The following ABCD3 variants were observed in gnomAD, a reference collection of about 807,000 sequenced individuals.
ABCD3 encodes ATP-binding cassette sub-family D member 3.
ABCD3 carries 41 observed loss-of-function variants against 105.5 expected under a neutral mutation model. That is an observed-to-expected ratio of 0.39 (90% CI 0.30 to 0.50). ABCD3 has a LOEUF of 0.50. Among genes scored for constraint, ABCD3 ranks in the 20% least tolerant of loss-of-function variants. The pLI is 0.84. For synonymous variants in ABCD3, 258 were observed against 269.0 expected (o/e 0.96, Z 0.40); for missense variants, 622 against 806.3 (o/e 0.77, Z 2.77).
the ABCD3 span, among the ~76,000 whole-genome samples, chr1:94,395,240 C>A: frequency 1.3e-5 from 2 of 152,280 alleles, no homozygotes; most frequent in South Asian, 4.1e-4. Flanking sequence ...ATTGCTTTAT[C>A]AGTCAGGAGC....
At chr1:94,487,494 T>G in intron 10 of ABCD3, 48 bp from the exon 11 acceptor site, 1 of 1,553,260 alleles carries the variant, frequency 6.4e-7, no homozygotes, top group Non-Finnish European at 8.9e-7. Flanking sequence ...GTAGATTCAG[T>G]TTTTTATACA....
Position 94,517,117 on chromosome 1 carries a change from G to A in ABCD3, c.1968G>A (p.Glu656=). 6 of 1,609,362 alleles carry A rather than the reference G, an allele frequency of 3.7e-6. No individual in the cohort carries two copies. Among genetic ancestry groups the A allele is most frequent in the Non-Finnish European group, 4.3e-6 (5 of 1,176,350 alleles). ...EFKQITEDTV[E]FGS ...AACAGATAACAGAAGATACAGTTGA[G>A]TTTGGCTCTTAGAGAAATCTGGAGA... The change falls in exon 23 of 23, where the codon GAG becomes GAA. Residue 656 remains glutamate (E), a synonymous_variant. Transcript: ENST00000370214.
At chr1:94,435,874 G>A (rs1189662574) in intron 1 of ABCD3, among the ~76,000 whole-genome samples, 2 of 152,154 alleles carry the variant, frequency 1.3e-5, no homozygotes, top group East Asian at 3.9e-4. Context: ...TTAATTATTT[G>A]TGCTTCAGTT....
intron 21 of ABCD3, among the ~76,000 whole-genome samples, chr1:94,508,923 A>G (rs1483402481): frequency 2.0e-5 from 3 of 152,200 alleles, no homozygotes; most frequent in Non-Finnish European, 4.4e-5. Context: ...CAATCATGTC[A>G]TCTGCAAACA....
At chr1:94,496,502 C>T (rs1649805335) in intron 16 of ABCD3, among the ~76,000 whole-genome samples, 1 of 151,330 alleles carries the variant, frequency 6.6e-6, no homozygotes, top group South Asian at 2.1e-4. Context: ...TCCATTCATC[C>T]TCTTGGGTCG....
At chr1:94,439,604 C>T (rs1196161563) in intron 1 of ABCD3, among the ~76,000 whole-genome samples, 1 of 152,106 alleles carries the variant, frequency 6.6e-6, no homozygotes, top group East Asian at 1.9e-4. Flanking sequence ...GCACTCCAGC[C>T]TGGGCAACAG....
the ABCD3 span, among the ~76,000 whole-genome samples, chr1:94,386,928 T>G: frequency 6.6e-6 from 1 of 152,210 alleles, no homozygotes; most frequent in Non-Finnish European, 1.5e-5. Flanking sequence ...ATTTCTTTTA[T>G]TCTGTTTAAT....
chr1:94,388,125 C>T, the ABCD3 span, among the ~76,000 whole-genome samples: 1 of 151,902 alleles, frequency 6.6e-6, no homozygotes, highest in East Asian at 1.9e-4. Context: ...CTTATAGTTA[C>T]CAAGTACAAG....
At chr1:94,475,767 T>G (rs1356899306) in intron 7 of ABCD3, 30 bp downstream of exon 7, 1 of 1,566,478 alleles carries the variant, frequency 6.4e-7, no homozygotes, top group East Asian at 2.3e-5. Context: ...AAAAGATTAT[T>G]TGTTTAATTT....
chr1:94,514,100 C>T (rs80236965), intron 21 of ABCD3: 13 of 151,956 alleles, frequency 8.6e-5, no homozygotes, highest in African/African-American at 3.1e-4. Context: ...AATTAAGAAA[C>T]CATGGTGGAA....
In ABCD3 at chr1:94,517,970, G is replaced by C. The variant is rs1651005337; in HGVS notation, c.*841G>C. The stretch of plus-strand genomic sequence containing the variant: ...TAGAAGCCCATTCATTAGAAGTGTG[G>C]TGGTTATTTGGTATTAAACTCCAAA... On this transcript the variant is annotated 3_prime_UTR_variant, in exon 23 of 23. Coordinates refer to ENST00000370214, the MANE Select transcript of ABCD3 (RefSeq NM_002858.4). The C allele has an allele frequency of 6.6e-6, 1 of 151,814 alleles. No homozygotes were observed. The highest frequency in any genetic ancestry group is 1.5e-5 in the Non-Finnish European group (1 of 67,824). The allele number at this position is 151,814 out of a possible 1,614,324, so 9.4% of individuals were successfully genotyped here. A position where few individuals can be genotyped will look rare whatever the true frequency, so the allele number is the denominator to read the frequency against.
chr1:94,491,386 T>C, intron 16 of ABCD3, 139 bp downstream of exon 16: 2 of 695,744 alleles, frequency 2.9e-6, no homozygotes, highest in South Asian at 3.8e-5. Context: ...AGTAAGTCTT[T>C]GAAACGCTTA....
At chr1:94,498,917 T>G in intron 18 of ABCD3, 28 bp from the exon 19 acceptor site, 3 of 1,611,154 alleles carry the variant, frequency 1.9e-6, no homozygotes, top group Non-Finnish European at 2.5e-6. Flanking sequence ...ATGTTGCTTC[T>G]AATTGACTTT....
At chr1:94,490,698 A>G (rs1179092991) in intron 15 of ABCD3, among the ~76,000 whole-genome samples, 2 of 152,050 alleles carry the variant, frequency 1.3e-5, no homozygotes, top group Non-Finnish European at 2.9e-5. Flanking sequence ...GTTTCCATAT[A>G]TGGACTATTG....
At chr1:94,503,046 T>C (rs369000982) in intron 20 of ABCD3, among the ~76,000 whole-genome samples, 37 of 152,254 alleles carry the variant, frequency 2.4e-4, no homozygotes, top group African/African-American at 8.9e-4. Context: ...ATGAGATTTT[T>C]TTGTGTGTGT....
chr1:94,516,517 C>T (rs1650929102), intron 22 of ABCD3, among the ~76,000 whole-genome samples: 1 of 151,874 alleles, frequency 6.6e-6, no homozygotes, highest in African/African-American at 2.4e-5. Flanking sequence ...TTCACCCTTC[C>T]TCTTCTTTTG....
intron 1 of ABCD3, among the ~76,000 whole-genome samples, chr1:94,441,299 A>C (rs372278285): frequency 6.6e-6 from 1 of 152,250 alleles, no homozygotes; most frequent in African/African-American, 2.4e-5. Flanking sequence ...AATTTAATCT[A>C]TACTAAGATA....
At chr1:94,394,263 A>G in the ABCD3 span, among the ~76,000 whole-genome samples, 1 of 152,186 alleles carries the variant, frequency 6.6e-6, no homozygotes, top group Non-Finnish European at 1.5e-5. Flanking sequence ...CAGTATGATA[A>G]TCTGTGAGAC....
the ABCD3 span, among the ~76,000 whole-genome samples, chr1:94,385,976 C>T: frequency 6.7e-6 from 1 of 148,706 alleles, no homozygotes; most frequent in African/African-American, 2.5e-5. Context: ...CTGATACGTA[C>T]TATAGTTTCC....
Sources: allele counts gnomAD v4.1 joint callset (sites outside exome capture counted in the v4.1 genomes callset), GRCh38; gene constraint gnomAD v4.1.1; transcripts MANE v1.5; gene names NCBI Gene and HGNC (gene_info 2026-07-23, HGNC 2026-07-21).